ATXN1: variants seen among roughly 807,000 people sequenced by gnomAD.
ATXN1 encodes ataxin 1, also known as ataxin-1.
In ATXN1, 8 loss-of-function variants were observed where a neutral mutation model predicts 56.4. The observed-to-expected ratio is 0.14, with a 90% CI of 0.08 to 0.26. ATXN1 has a LOEUF of 0.26. Among genes scored for constraint, ATXN1 ranks in the 10% least tolerant of loss-of-function variants. The pLI is 1.00. For synonymous variants in ATXN1, 514 were observed against 494.6 expected, an observed-to-expected ratio of 1.04 and a Z score of -0.52; for missense variants, 987 against 1,106.5, an observed-to-expected ratio of 0.89 and a Z score of 1.53.
intron 2 of ATXN1, among the ~76,000 whole-genome samples, chr6:16,678,529 A>C (rs1758733054): frequency 6.6e-6 from 1 of 152,242 alleles, no homozygotes; most frequent in Non-Finnish European, 1.5e-5. Context: ...CCAGCTAAAA[A>C]TGAGAAATCA....
At chr6:16,437,100 G>T (rs182788298) in intron 6 of ATXN1, among the ~76,000 whole-genome samples, 72 of 152,294 alleles carry the variant, frequency 4.7e-4, no homozygotes, top group Non-Finnish European at 7.6e-4. Context: ...AGAGACAGTG[G>T]GATATGCAAG....
chr6:16,568,815 A>G (rs1283561560), intron 4 of ATXN1, among the ~76,000 whole-genome samples: 2 of 152,152 alleles, frequency 1.3e-5, no homozygotes, highest in Non-Finnish European at 2.9e-5. Flanking sequence ...TCTGGCAATC[A>G]AAGGCTAATA....
At chr6:16,637,510 A>G (rs1166548545) in intron 3 of ATXN1, among the ~76,000 whole-genome samples, 1 of 152,044 alleles carries the variant, frequency 6.6e-6, no homozygotes, top group Non-Finnish European at 1.5e-5. Context: ...AATAAATAAA[A>G]TAAAATAAAA....
intron 4 of ATXN1, among the ~76,000 whole-genome samples, chr6:16,557,723 G>A (rs1409962509): frequency 9.9e-5 from 15 of 152,152 alleles, no homozygotes; most frequent in Admixed American, 9.8e-4. Context: ...GAATGATATG[G>A]GTGTCACTGC....
intron 3 of ATXN1, among the ~76,000 whole-genome samples, chr6:16,610,140 T>C (rs1454795411): frequency 1.3e-5 from 2 of 151,940 alleles, no homozygotes; most frequent in Admixed American, 1.3e-4. Flanking sequence ...GGAGACAAAG[T>C]AGGAAGCCAA....
intron 2 of ATXN1, among the ~76,000 whole-genome samples, chr6:16,677,510 G>C (rs1259929346): frequency 1.3e-5 from 2 of 152,114 alleles, no homozygotes; most frequent in African/African-American, 2.4e-5. Context: ...TCCAGTAGGT[G>C]CTCCACAAAG....
At chr6:16,553,449 CT>C (rs1364500870) in intron 4 of ATXN1, among the ~76,000 whole-genome samples, 3 of 152,148 alleles carry the variant, frequency 2.0e-5, no homozygotes, top group African/African-American at 7.2e-5. Context: ...GTATTTCCGT[CT>C]CACAGTACCT....
intron 7 of ATXN1, among the ~76,000 whole-genome samples, chr6:16,318,401 A>G (rs1466030625): frequency 6.6e-6 from 1 of 152,160 alleles, no homozygotes; most frequent in African/African-American, 2.4e-5. Context: ...TGCAAGTGAA[A>G]TTCTCAGTCT....
Position 16,499,734 on chromosome 6 carries a change from T to C in ATXN1, c.-298-13625A>G, listed in dbSNP as rs144714659. Reference sequence around the variant, plus strand: ...AATCGTGTATAACCAAGAGAAATAATAGACTTTTGGCATGATACCTAAGAC... The same window carrying C: ...AATCGTGTATAACCAAGAGAAATAACAGACTTTTGGCATGATACCTAAGAC... On this transcript the variant is annotated intron_variant, in intron 5 of 7. Coordinates refer to ENST00000436367, the MANE Select transcript of ATXN1 (RefSeq NM_001128164.2). Among the ~76,000 whole-genome samples, 932 of 152,246 alleles carry C rather than the reference T, an allele frequency of 6.1e-3. 2 individuals are homozygous for C. Among genetic ancestry groups the C allele is most frequent in the Non-Finnish European group, 9.5e-3 (648 of 68,004 alleles).
intron 1 of ATXN1, 163 bp downstream of exon 1, chr6:16,761,135 G>GCAGC (rs1761086739): frequency 2.7e-6 from 1 of 367,444 alleles, no homozygotes; most frequent in East Asian, 7.3e-5. Context: ...TCCTCTTCCA[G>GCAGC]CTGTTTTCCG....
intron 2 of ATXN1, among the ~76,000 whole-genome samples, chr6:16,689,303 T>G (rs184377853): frequency 7.5e-4 from 114 of 151,986 alleles, no homozygotes; most frequent in Middle Eastern, 3.4e-3. Flanking sequence ...AAATTTTTAT[T>G]TTTTATATTG....
intron 3 of ATXN1, among the ~76,000 whole-genome samples, chr6:16,603,894 G>A (rs765025236): frequency 1.3e-5 from 2 of 152,090 alleles, no homozygotes; most frequent in East Asian, 1.9e-4. Context: ...GCAAAGGGGC[G>A]CCTCTCCGTC....
intron 3 of ATXN1, among the ~76,000 whole-genome samples, chr6:16,656,978 A>T (rs1758216128): frequency 6.9e-6 from 1 of 145,564 alleles, no homozygotes; most frequent in South Asian, 2.1e-4. Flanking sequence ...ACAGTATTAT[A>T]ATCTTTTTTT....
At chr6:16,376,195 T>C (rs1401266330) in intron 6 of ATXN1, among the ~76,000 whole-genome samples, 1 of 152,236 alleles carries the variant, frequency 6.6e-6, no homozygotes, top group Non-Finnish European at 1.5e-5. Context: ...ATACGATCAA[T>C]TTTCATGCTT....
chr6:16,732,377 C>T (rs9383202), intron 2 of ATXN1, among the ~76,000 whole-genome samples: 6,312 of 152,200 alleles, frequency 0.041, 406 homozygotes, highest in East Asian at 0.32. Flanking sequence ...TTGAGACCAG[C>T]CTGGCCAACA....
chr6:16,419,069 T>A (rs1164014483), intron 6 of ATXN1, among the ~76,000 whole-genome samples: 2 of 152,122 alleles, frequency 1.3e-5, no homozygotes, highest in African/African-American at 2.4e-5. Flanking sequence ...TTCTGTTGAA[T>A]AAGGGTAATG....
intron 6 of ATXN1, among the ~76,000 whole-genome samples, chr6:16,395,821 T>C (rs1022658230): frequency 2.0e-5 from 3 of 151,620 alleles, no homozygotes; most frequent in African/African-American, 7.3e-5. Flanking sequence ...ATCGAGACCA[T>C]CCTGGCCAAC....
intron 4 of ATXN1, among the ~76,000 whole-genome samples, chr6:16,543,753 G>T (rs1000375850): frequency 2.6e-5 from 4 of 151,734 alleles, no homozygotes; most frequent in African/African-American, 9.7e-5. Context: ...TGAGTTAAAG[G>T]CGAGCACTTA....
At chr6:16,720,861 C>T (rs139001446) in intron 2 of ATXN1, among the ~76,000 whole-genome samples, 190 of 152,304 alleles carry the variant, frequency 1.2e-3, no homozygotes, top group African/African-American at 4.3e-3. Context: ...ATTGAGGTAA[C>T]CCATCCAGCA....
Sources: allele counts gnomAD v4.1 joint callset (sites outside exome capture counted in the v4.1 genomes callset), GRCh38; gene constraint gnomAD v4.1.1; transcripts MANE v1.5; gene names NCBI Gene and HGNC (gene_info 2026-07-23, HGNC 2026-07-21).